Variants in ZNF722 observed in about 807,000 individuals in gnomAD.
ZNF722 encodes the protein zinc finger protein 722.
At chr7:64,001,043 C>T in the ZNF722 span, among the ~76,000 whole-genome samples, 1 of 152,176 alleles carries the variant, frequency 6.6e-6, no homozygotes, top group African/African-American at 2.4e-5. Context: ...TCCCAACGTT[C>T]TGGGGTTACA....
At chr7:64,004,713 T>A in the ZNF722 span, among the ~76,000 whole-genome samples, 1 of 152,188 alleles carries the variant, frequency 6.6e-6, no homozygotes, top group Non-Finnish European at 1.5e-5. Flanking sequence ...GAATCTGTCC[T>A]TTCTTTTTAG....
At chr7:64,017,619 T>A in the ZNF722 span, among the ~76,000 whole-genome samples, 5 of 152,298 alleles carry the variant, frequency 3.3e-5, no homozygotes, top group Admixed American at 3.3e-4. Context: ...AGAGAAAGCC[T>A]AAACATGTAA....
At chr7:64,011,113 T>C in the ZNF722 span, among the ~76,000 whole-genome samples, 2 of 152,182 alleles carry the variant, frequency 1.3e-5, no homozygotes, top group South Asian at 2.1e-4. Flanking sequence ...TGGATCTTCC[T>C]CCATCCTTTT....
chr7:64,004,425 A>ATATATATATAT, the ZNF722 span, among the ~76,000 whole-genome samples: 16 of 61,112 alleles, frequency 2.6e-4, no homozygotes, highest in Middle Eastern at 0.011. Flanking sequence ...AAAAAAAAAA[A>ATATATATATAT]ATATATATAT....
At chr7:64,004,425 A>AATAT in the ZNF722 span, among the ~76,000 whole-genome samples, 575 of 61,040 alleles carry the variant, frequency 9.4e-3, 21 homozygotes, top group African/African-American at 0.015. Context: ...AAAAAAAAAA[A>AATAT]ATATATATAT....
chr7:64,014,371 T>G, the ZNF722 span, among the ~76,000 whole-genome samples: 72 of 152,236 alleles, frequency 4.7e-4, no homozygotes, highest in Admixed American at 1.8e-3. Flanking sequence ...TTTTGATTTT[T>G]TTGATTGGAC....
At chr7:64,002,224 T>G in the ZNF722 span, among the ~76,000 whole-genome samples, 1 of 152,130 alleles carries the variant, frequency 6.6e-6, no homozygotes, top group Admixed American at 6.6e-5. Flanking sequence ...TCAGCTCTGA[T>G]TTTGGTTATT....
chr7:64,016,984 C>T, the ZNF722 span, among the ~76,000 whole-genome samples: 2 of 152,074 alleles, frequency 1.3e-5, no homozygotes, highest in African/African-American at 4.8e-5. Context: ...ACACCTTATG[C>T]CACAGGAAAG....
At chr7:63,999,790 C>T in the ZNF722 span, among the ~76,000 whole-genome samples, 1 of 151,918 alleles carries the variant, frequency 6.6e-6, no homozygotes, top group Non-Finnish European at 1.5e-5. Context: ...CTCCCCCTCT[C>T]GGGTTCAAGC....
the ZNF722 span, chr7:64,005,578 G>C: frequency 4.6e-6 from 4 of 874,074 alleles, no homozygotes; most frequent in South Asian, 5.6e-5. Flanking sequence ...CTGTGTTCAT[G>C]AGTGTTTTTT....
At chr7:64,015,209 T>C in the ZNF722 span, 4 of 1,271,272 alleles carry the variant, frequency 3.1e-6, no homozygotes, top group African/African-American at 4.4e-5. Context: ...TTAAGCAATG[T>C]TTGTCAAATA....
the ZNF722 span, among the ~76,000 whole-genome samples, chr7:64,000,744 C>G: frequency 1.3e-5 from 2 of 151,930 alleles, no homozygotes; most frequent in South Asian, 2.1e-4. Context: ...AGTTATCACA[C>G]CCAGCCTGCA....
At chr7:64,015,566 A>G in the ZNF722 span, 2 of 1,613,568 alleles carry the variant, frequency 1.2e-6, no homozygotes, top group East Asian at 4.5e-5. Context: ...CTGGAGAGAA[A>G]CCCTACACAT....
At chr7:64,007,289 C>T in the ZNF722 span, among the ~76,000 whole-genome samples, 3 of 146,082 alleles carry the variant, frequency 2.1e-5, no homozygotes, top group East Asian at 2.0e-4. Flanking sequence ...TTGTGCACAA[C>T]GTGCAGGTTT....
the ZNF722 span, chr7:64,005,854 T>C: frequency 9.8e-6 from 10 of 1,024,544 alleles, no homozygotes; most frequent in Admixed American, 1.0e-4. Context: ...TTTAAGAAAA[T>C]CTTGGGGATT....
the ZNF722 span, chr7:64,016,259 C>A: frequency 2.0e-5 from 4 of 199,354 alleles, no homozygotes; most frequent in Admixed American, 5.3e-5. Context: ...CTCCCTCAGC[C>A]TCCTGAGTAG....
At chr7:64,009,987 A>G in the ZNF722 span, among the ~76,000 whole-genome samples, 1 of 152,194 alleles carries the variant, frequency 6.6e-6, no homozygotes. Context: ...GTATGTGTCC[A>G]GGAATTTATC....
the ZNF722 span, among the ~76,000 whole-genome samples, chr7:64,016,354 T>C: frequency 6.6e-6 from 1 of 151,888 alleles, no homozygotes; most frequent in Non-Finnish European, 1.5e-5. Context: ...GCTAGGCTGG[T>C]CTCGAACTCC....
chr7:64,016,765 A>T, the ZNF722 span, among the ~76,000 whole-genome samples: 1 of 152,110 alleles, frequency 6.6e-6, no homozygotes, highest in Non-Finnish European at 1.5e-5. Flanking sequence ...CTGGAGAGAA[A>T]CTCTACAGCA....
Sources: allele counts gnomAD v4.1 joint callset (sites outside exome capture counted in the v4.1 genomes callset), GRCh38; gene constraint gnomAD v4.1.1; transcripts MANE v1.5; gene names NCBI Gene and HGNC (gene_info 2026-07-23, HGNC 2026-07-21).